Variants in L3MBTL4 observed in about 807,000 individuals in gnomAD.
L3MBTL4 encodes lethal(3)malignant brain tumor-like protein 4.
In L3MBTL4, 70 loss-of-function variants were observed where a neutral mutation model predicts 84.5. The ratio of observed to expected loss-of-function variants is 0.83; its 90% confidence interval spans 0.68 to 1.01. The LOEUF (loss-of-function observed/expected upper bound fraction) is 1.01. Ranked by LOEUF, L3MBTL4 falls within the 50% of genes least tolerant of loss-of-function variation. The pLI is 0.00. For synonymous variants in L3MBTL4, 274 were observed against 259.8 expected, an observed-to-expected ratio of 1.05 and a Z score of -0.52; for missense variants, 715 against 754.8, an observed-to-expected ratio of 0.95 and a Z score of 0.62.
At chr18:6,255,284 T>A (rs2048089437) in intron 5 of L3MBTL4, among the ~76,000 whole-genome samples, 1 of 152,200 alleles carries the variant, frequency 6.6e-6, no homozygotes, top group Non-Finnish European at 1.5e-5. Flanking sequence ...GAACTGCAGA[T>A]AAGCAGCCTG....
At chr18:6,260,152 T>C (rs372541044) in intron 5 of L3MBTL4, 9 of 152,234 alleles carry the variant, frequency 5.9e-5, no homozygotes, top group South Asian at 4.1e-4. Flanking sequence ...GTTCTATGTA[T>C]GTGTTTTTGT....
At chr18:6,090,638 T>C (rs2058419936) in intron 15 of L3MBTL4, among the ~76,000 whole-genome samples, 1 of 150,714 alleles carries the variant, frequency 6.6e-6, no homozygotes, top group East Asian at 1.9e-4. Context: ...ATTTCTTTTT[T>C]TTTTTTTGAG....
At chr18:6,011,740 C>A (rs1209136614) in intron 16 of L3MBTL4, among the ~76,000 whole-genome samples, 2 of 152,188 alleles carry the variant, frequency 1.3e-5, no homozygotes, top group Non-Finnish European at 2.9e-5. Context: ...TCAAAGGAAA[C>A]ACGGTGGCTT....
At chr18:6,104,136 T>C (rs2058922478) in intron 14 of L3MBTL4, among the ~76,000 whole-genome samples, 1 of 152,192 alleles carries the variant, frequency 6.6e-6, no homozygotes, top group Non-Finnish European at 1.5e-5. Context: ...CTGGTGAGGA[T>C]GTAAAATAAT....
In L3MBTL4 at chr18:6,219,053, CACTT is replaced by C. The variant is rs1353531279; in HGVS notation, c.785-3222_785-3219del. Among the ~76,000 whole-genome samples, 4 of 152,214 alleles carry C rather than the reference CACTT, an allele frequency of 2.6e-5. No homozygotes were observed. The South Asian group carries it at 8.3e-4, about 31-fold the overall frequency. On this transcript the variant is annotated intron_variant, in intron 10 of 18. Coordinates refer to ENST00000317931, the MANE Select transcript of L3MBTL4 (RefSeq NM_001330559.2). ...TCCATTTATAGGTAAGCACTGTACT[CACTT>C]ACATGAAGTCAGTTATTCCTCATCT...
At chr18:6,104,068 C>G (rs1248006156) in intron 14 of L3MBTL4, among the ~76,000 whole-genome samples, 1 of 152,104 alleles carries the variant, frequency 6.6e-6, no homozygotes, top group East Asian at 1.9e-4. Context: ...CTCCTTGGGT[C>G]AGAGTTAAAA....
chr18:6,162,872 G>T (rs1366191466), intron 13 of L3MBTL4, among the ~76,000 whole-genome samples: 1 of 152,176 alleles, frequency 6.6e-6, no homozygotes, highest in Non-Finnish European at 1.5e-5. Context: ...AAGGTGCTGT[G>T]AGTAAATGTG....
At chr18:5,959,892 C>A (rs2144647178) in intron 18 of L3MBTL4, among the ~76,000 whole-genome samples, 1 of 152,010 alleles carries the variant, frequency 6.6e-6, no homozygotes, top group African/African-American at 2.4e-5. Context: ...TCTCACACTG[C>A]ATAATTGGGC....
At chr18:6,374,305 C>G (rs1329461166) in intron 1 of L3MBTL4, 1 of 153,898 alleles carries the variant, frequency 6.5e-6, no homozygotes, top group Non-Finnish European at 1.5e-5. Flanking sequence ...AGAGCTGTCA[C>G]GAGGATTACA....
chr18:6,203,834 G>T (rs1174781459), intron 12 of L3MBTL4, among the ~76,000 whole-genome samples: 1 of 152,166 alleles, frequency 6.6e-6, no homozygotes, highest in Non-Finnish European at 1.5e-5. Flanking sequence ...ACATTCTGCT[G>T]CTCTTGACTG....
intron 12 of L3MBTL4, among the ~76,000 whole-genome samples, chr18:6,205,664 A>G (rs186004388): frequency 2.0e-5 from 3 of 152,326 alleles, no homozygotes; most frequent in Admixed American, 6.5e-5. Flanking sequence ...ATCCTTTCTT[A>G]TATCACAAGA....
At chr18:6,052,600 G>T (rs1383636129) in intron 16 of L3MBTL4, among the ~76,000 whole-genome samples, 3 of 152,168 alleles carry the variant, frequency 2.0e-5, no homozygotes, top group African/African-American at 7.2e-5. Context: ...TGAAAATAAA[G>T]GTCAAATATC....
intron 10 of L3MBTL4, among the ~76,000 whole-genome samples, chr18:6,218,008 T>A (rs899059384): frequency 1.3e-5 from 2 of 151,470 alleles, no homozygotes; most frequent in Non-Finnish European, 3.0e-5. Context: ...TTAAGCTGAA[T>A]TTTTTTTAAG....
chr18:6,199,061 T>C (rs1599117214), intron 12 of L3MBTL4, among the ~76,000 whole-genome samples: 1 of 152,240 alleles, frequency 6.6e-6, no homozygotes, highest in East Asian at 1.9e-4. Flanking sequence ...TGTTAAACTT[T>C]TTAAGCTTAT....
chr18:6,245,588 CTTT>C (rs776011254), intron 5 of L3MBTL4, among the ~76,000 whole-genome samples: 4 of 137,108 alleles, frequency 2.9e-5, no homozygotes, highest in East Asian at 2.1e-4. Context: ...AGGTATTTTC[CTTT>C]TTTTTTTTTT....
chr18:5,957,956 C>T (rs1263913689), intron 18 of L3MBTL4, among the ~76,000 whole-genome samples: 5 of 108,210 alleles, frequency 4.6e-5, no homozygotes, highest in African/African-American at 2.0e-4. Flanking sequence ...AGAGACTCCA[C>T]CTCAAAAAAA....
chr18:6,340,179 G>A (rs998671273), intron 1 of L3MBTL4, among the ~76,000 whole-genome samples: 8 of 152,098 alleles, frequency 5.3e-5, no homozygotes, highest in African/African-American at 1.9e-4. Context: ...AGGGATGTAA[G>A]CAAGATGGCA....
At chr18:6,014,781 C>A (rs556700158) in intron 16 of L3MBTL4, among the ~76,000 whole-genome samples, 1 of 152,002 alleles carries the variant, frequency 6.6e-6, no homozygotes, top group Non-Finnish European at 1.5e-5. Context: ...GAAACTTTGG[C>A]GAGCTTCAAG....
At chr18:6,304,566 G>A (rs2050498225) in intron 3 of L3MBTL4, among the ~76,000 whole-genome samples, 1 of 152,204 alleles carries the variant, frequency 6.6e-6, no homozygotes, top group African/African-American at 2.4e-5. Context: ...ACTGCCAAAA[G>A]TATACGGCCC....
Sources: gnomAD v4.1 joint callset for allele counts (sites outside exome capture counted in the v4.1 genomes callset) on GRCh38, gnomAD v4.1.1 for gene constraint, MANE v1.5 for transcripts, NCBI Gene and HGNC (gene_info 2026-07-23, HGNC 2026-07-21) for gene names.